Variants in ZNF423 observed in about 807,000 individuals in gnomAD.
ZNF423 encodes the protein zinc finger protein 423, also known as Ebf-associated zinc finger protein.
In ZNF423, 12 loss-of-function variants were observed where a neutral mutation model predicts 95.8. The observed-to-expected ratio is 0.13, with a 90% CI of 0.08 to 0.20. The LOEUF is 0.20. ZNF423 is among the 10% of genes least tolerant of loss of function. ZNF423 has a pLI of 1.00. For missense variants in ZNF423, 1,316 were observed against 1,737.1 expected (o/e 0.76, Z 4.31); for synonymous variants, 749 against 711.9 (o/e 1.05, Z -0.83).
intron 3 of ZNF423, among the ~76,000 whole-genome samples, chr16:49,707,614 C>CAA (rs55751184): frequency 3.5e-4 from 19 of 54,760 alleles, no homozygotes; most frequent in East Asian, 1.2e-3. Context: ...GAGACTGTCT[C>CAA]AAAAAAAAAA....
chr16:49,725,836 C>T (rs767387838), intron 3 of ZNF423, among the ~76,000 whole-genome samples: 2 of 152,198 alleles, frequency 1.3e-5, no homozygotes, highest in Non-Finnish European at 1.5e-5. Flanking sequence ...GAGGGCAGCA[C>T]GCACCCCATC....
intron 5 of ZNF423, among the ~76,000 whole-genome samples, chr16:49,595,867 T>C (rs1971163847): frequency 6.6e-6 from 1 of 152,210 alleles, no homozygotes; most frequent in South Asian, 2.1e-4. Flanking sequence ...AGGAAAAACA[T>C]CTGTGGAAAC....
chr16:49,678,144 C>G (rs968644189), intron 3 of ZNF423, among the ~76,000 whole-genome samples: 1 of 152,046 alleles, frequency 6.6e-6, no homozygotes, highest in Non-Finnish European at 1.5e-5. Context: ...GATCGCGCCA[C>G]TGCACTCCAG....
In ZNF423 at chr16:49,636,557, G is replaced by T; in HGVS notation, c.2619C>A (p.Asn873Lys). 1 of 1,613,946 alleles carries T rather than the reference G, an allele frequency of 6.2e-7. No homozygotes were observed. Among genetic ancestry groups the T allele is most frequent in the Non-Finnish European group, 8.5e-7 (1 of 1,180,028 alleles). Residue 873 changes from asparagine (N) to lysine (K), a missense_variant, in exon 4 of 8, where the codon AAC becomes AAA. By Grantham distance (94) the Asn-to-Lys change is moderately conservative. Around this residue, in one of 6 missense-constraint regions of ZNF423, gnomAD observed 620 missense variants for 775.6 expected, o/e 0.80. Transcript: ENST00000563137. This position sits in a 1 kb window ranked among gnomAD's most constrained non-coding sequence, Gnocchi z 8.6. ...PADLQGMLLK[N>K]PEAPNSHEAS... The stretch of plus-strand genomic sequence containing the variant: ...CCTCATGGCTGTTAGGTGCCTCAGG[G>T]TTCTTAAGCAGCATGCCCTGCAGGT...
intron 5 of ZNF423, among the ~76,000 whole-genome samples, chr16:49,532,565 C>A (rs1299572476): frequency 1.3e-5 from 2 of 152,178 alleles, no homozygotes; most frequent in Non-Finnish European, 2.9e-5. Flanking sequence ...GGACCCAGAG[C>A]CTCTTCAAAA....
intron 3 of ZNF423, among the ~76,000 whole-genome samples, chr16:49,723,328 G>T (rs957618792): frequency 1.3e-5 from 2 of 152,202 alleles, no homozygotes; most frequent in Admixed American, 6.5e-5. Context: ...AACCACCAGT[G>T]TGGCACCAAT....
At chr16:49,669,031 G>A (rs1487522525) in intron 3 of ZNF423, among the ~76,000 whole-genome samples, 1 of 152,138 alleles carries the variant, frequency 6.6e-6, no homozygotes, top group Non-Finnish European at 1.5e-5. Flanking sequence ...AGTGCAGCAT[G>A]GTCTTAAATC....
At chr16:49,753,772 T>C (rs1228309507) in intron 2 of ZNF423, among the ~76,000 whole-genome samples, 1 of 152,188 alleles carries the variant, frequency 6.6e-6, no homozygotes, top group Non-Finnish European at 1.5e-5. Flanking sequence ...GGTTCATGCC[T>C]GTAATCCCAG....
chr16:49,815,910 ATATATTTTTT>A (rs1567356507), intron 1 of ZNF423, among the ~76,000 whole-genome samples: 16 of 40,536 alleles, frequency 3.9e-4, no homozygotes, highest in African/African-American at 5.2e-4. Context: ...ATATATATAT[ATATATTTTTT>A]TTTTTTTTTT....
intron 1 of ZNF423, among the ~76,000 whole-genome samples, chr16:49,813,649 A>T (rs901887086): frequency 2.7e-4 from 41 of 152,182 alleles, no homozygotes; most frequent in African/African-American, 9.7e-4. Context: ...GAGCTGCCCC[A>T]AGGCCTCCAT....
At chr16:49,528,946 C>T (rs1968734247) in intron 5 of ZNF423, among the ~76,000 whole-genome samples, 1 of 151,856 alleles carries the variant, frequency 6.6e-6, no homozygotes, top group Non-Finnish European at 1.5e-5. Flanking sequence ...ATGCAGGGTC[C>T]GCCGATAGTG....
chr16:49,641,847 A>T (rs1972984255), intron 3 of ZNF423, among the ~76,000 whole-genome samples: 1 of 152,312 alleles, frequency 6.6e-6, no homozygotes, highest in Non-Finnish European at 1.5e-5. Flanking sequence ...GAGGCTGGAG[A>T]TGGGAGCAGG....
At chr16:49,827,850 A>G (rs1435419590) in intron 1 of ZNF423, among the ~76,000 whole-genome samples, 1 of 152,082 alleles carries the variant, frequency 6.6e-6, no homozygotes, top group Non-Finnish European at 1.5e-5. Context: ...TTCTGGGGGT[A>G]GAATATCCCC....
intron 5 of ZNF423, among the ~76,000 whole-genome samples, chr16:49,561,296 G>A (rs558312277): frequency 1.2e-4 from 19 of 152,192 alleles, no homozygotes; most frequent in African/African-American, 3.6e-4. Flanking sequence ...GTTTTTTATC[G>A]GACAGTGAGT....
At chr16:49,699,900 G>A (rs950674417) in intron 3 of ZNF423, among the ~76,000 whole-genome samples, 6 of 152,098 alleles carry the variant, frequency 3.9e-5, no homozygotes, top group African/African-American at 1.4e-4. Flanking sequence ...AGAGGGAGGA[G>A]GACAGAAAAA....
At chr16:49,842,702 G>A (rs1453862960) in intron 1 of ZNF423, among the ~76,000 whole-genome samples, 2 of 152,152 alleles carry the variant, frequency 1.3e-5, no homozygotes, top group South Asian at 2.1e-4. Flanking sequence ...AAGGCTGGGC[G>A]CCGTAGCTCA....
At chr16:49,757,270 G>A (rs1417495063) in intron 2 of ZNF423, among the ~76,000 whole-genome samples, 2 of 152,034 alleles carry the variant, frequency 1.3e-5, no homozygotes, top group South Asian at 4.2e-4. Context: ...CCATAGGTTC[G>A]TGATGCTCTT....
At chr16:49,758,556 A>G (rs543299954) in intron 2 of ZNF423, among the ~76,000 whole-genome samples, 12 of 152,262 alleles carry the variant, frequency 7.9e-5, no homozygotes, top group Middle Eastern at 3.4e-3. Context: ...AACCTGAACC[A>G]CATAGTAAGA....
rs1050745353 is a variant in ZNF423 at position 49,525,514 on chromosome 16, C to A, written c.3602-20G>T. On this transcript the variant is annotated intron_variant, in intron 5 of 7. Transcript: ENST00000563137. ...CTTCCTCTGCAAGGAAAACCCGTGACCAGTCAGTGACCAGCATGCCATGTC... is the reference window on the plus strand; with the variant it reads ...CTTCCTCTGCAAGGAAAACCCGTGAACAGTCAGTGACCAGCATGCCATGTC... The A allele has an allele frequency of 3.7e-6, 6 of 1,613,728 alleles. No homozygotes were observed. The highest frequency in any genetic ancestry group is 1.1e-5 in the South Asian group (1 of 91,026).
Sources: gnomAD v4.1 joint callset for allele counts (sites outside exome capture counted in the v4.1 genomes callset) on GRCh38, gnomAD v4.1.1 for gene constraint, gnomAD v4.1.1 regional missense constraint, Gnocchi (gnomAD v3.1) non-coding constraint, MANE v1.5 for transcripts, NCBI Gene and HGNC (gene_info 2026-07-23, HGNC 2026-07-21) for gene names.